The following PKP4 variants were observed in gnomAD, a reference collection of about 807,000 sequenced individuals.
PKP4 encodes the protein plakophilin 4, also known as plakophilin-4.
In PKP4, 90 loss-of-function variants were observed where a neutral mutation model predicts 145.1. The observed-to-expected ratio is 0.62, with a 90% CI of 0.52 to 0.74. The LOEUF is 0.74. Among genes scored for constraint, PKP4 ranks in the 30% least tolerant of loss-of-function variants. PKP4 has a pLI of 0.00. For missense variants in PKP4, 1,340 were observed against 1,482.7 expected, an observed-to-expected ratio of 0.90 and a Z score of 1.58; for synonymous variants, 563 against 577.2, an observed-to-expected ratio of 0.98 and a Z score of 0.35.
intron 11 of PKP4, among the ~76,000 whole-genome samples, chr2:158,646,145 G>A (rs2054804864): frequency 6.6e-6 from 1 of 152,134 alleles, no homozygotes; most frequent in Admixed American, 6.5e-5. Context: ...TATTTGTCTT[G>A]AAAATATCTG....
At position 158,504,807 on chromosome 2, in the gene PKP4, A is replaced by T. The variant is rs573190400; in HGVS notation, c.-5-28373A>T. The stretch of plus-strand genomic sequence containing the variant: ...TTACTGCATTCTAACAAAGTTTATT[A>T]TGAGAGTTCTGAAGATACTGAATAT... On this transcript the variant is annotated intron_variant, in intron 1 of 21. Coordinates refer to ENST00000389759, the MANE Select transcript of PKP4 (RefSeq NM_003628.6). 9.8e-5 allele frequency among the ~76,000 whole-genome samples: 15 copies of T among 152,352 alleles called. No homozygotes were observed. The South Asian group carries it at 2.9e-3, about 29-fold the overall frequency.
chr2:158,472,206 T>G (rs1322167578), intron 1 of PKP4, among the ~76,000 whole-genome samples: 1 of 152,240 alleles, frequency 6.6e-6, no homozygotes, highest in African/African-American at 2.4e-5. Flanking sequence ...CATTTGTTAA[T>G]AAGCTGGATT....
intron 2 of PKP4, among the ~76,000 whole-genome samples, chr2:158,534,361 A>G (rs1382243266): frequency 1.3e-5 from 2 of 152,348 alleles, no homozygotes; most frequent in East Asian, 1.9e-4. Flanking sequence ...AGTTTATTCT[A>G]GTAACAAGAT....
chr2:158,551,940 A>G (rs1032911462), intron 2 of PKP4, among the ~76,000 whole-genome samples: 3 of 152,358 alleles, frequency 2.0e-5, no homozygotes, highest in Non-Finnish European at 4.4e-5. Flanking sequence ...GGGAGGCAGA[A>G]TAATGCTCTC....
chr2:158,618,001 G>T (rs979890572), intron 4 of PKP4, among the ~76,000 whole-genome samples: 2 of 152,104 alleles, frequency 1.3e-5, no homozygotes, highest in African/African-American at 4.8e-5. Context: ...TGGCCAACGT[G>T]GTGAAACCCC....
chr2:158,556,359 G>T (rs1223953012), intron 2 of PKP4, among the ~76,000 whole-genome samples: 1 of 152,166 alleles, frequency 6.6e-6, no homozygotes, highest in Non-Finnish European at 1.5e-5. Flanking sequence ...GCTCCCCAAA[G>T]AATTCCTGGC....
At chr2:158,564,728 C>T (rs1559331199) in intron 2 of PKP4, among the ~76,000 whole-genome samples, 1 of 152,054 alleles carries the variant, frequency 6.6e-6, no homozygotes, top group Admixed American at 6.6e-5. Context: ...TTTTCTTTTT[C>T]CTTACTAATG....
intron 1 of PKP4, among the ~76,000 whole-genome samples, chr2:158,532,518 C>T (rs569097112): frequency 7.8e-4 from 119 of 152,278 alleles, no homozygotes; most frequent in African/African-American, 2.6e-3. Flanking sequence ...CACTAATCAT[C>T]GTTTCCCCCT....
At chr2:158,598,512 A>G (rs1474862566) in intron 3 of PKP4, among the ~76,000 whole-genome samples, 3 of 152,216 alleles carry the variant, frequency 2.0e-5, no homozygotes, top group African/African-American at 7.2e-5. Flanking sequence ...TCACGCCTGT[A>G]ATCCTAGCAC....
At chr2:158,528,467 T>C (rs1181762911) in intron 1 of PKP4, among the ~76,000 whole-genome samples, 1 of 81,460 alleles carries the variant, frequency 1.2e-5, no homozygotes, top group Non-Finnish European at 2.3e-5. Flanking sequence ...AAGGGGAATA[T>C]CACACTCTGG....
At chr2:158,518,950 G>A (rs530177852) in intron 1 of PKP4, among the ~76,000 whole-genome samples, 1 of 152,270 alleles carries the variant, frequency 6.6e-6, no homozygotes, top group Non-Finnish European at 1.5e-5. Context: ...TGGTCCAGAT[G>A]TAGCTTGTTT....
chr2:158,637,277 C>G (rs766324373), intron 9 of PKP4, among the ~76,000 whole-genome samples: 5 of 152,118 alleles, frequency 3.3e-5, no homozygotes, highest in Admixed American at 6.6e-5. Context: ...GGAGTCTTGA[C>G]TAAATTCCCA....
At chr2:158,596,545 A>G (rs1285765794) in intron 3 of PKP4, among the ~76,000 whole-genome samples, 1 of 152,096 alleles carries the variant, frequency 6.6e-6, no homozygotes, top group African/African-American at 2.4e-5. Context: ...ACTTAAGAAT[A>G]ATTTAGAGAA....
At chr2:158,516,107 G>A (rs1313982017) in intron 1 of PKP4, among the ~76,000 whole-genome samples, 1 of 151,048 alleles carries the variant, frequency 6.6e-6, no homozygotes, top group Non-Finnish European at 1.5e-5. Context: ...GTAGGGTTAG[G>A]TGAGATTAAA....
In PKP4 at chr2:158,624,915, C is replaced by A; in HGVS notation, c.641C>A (p.Ser214Ter). The A allele has an allele frequency of 6.2e-7, 1 of 1,610,780 alleles. No homozygotes were observed. The highest frequency in any genetic ancestry group is 8.5e-7 in the Non-Finnish European group (1 of 1,177,942). Residue 214 changes from serine (S) to a stop codon, truncating the protein, a stop_gained, in exon 7 of 22, where the codon TCA becomes TAA. Coordinates refer to ENST00000389759, the MANE Select transcript of PKP4 (RefSeq NM_003628.6). LOFTEE classifies it high-confidence loss of function. ...VANRAMRRVS[S>*]VPSRAQSPSY... ...AATCGGGCCATGAGAAGAGTTAGTT[C>A]AGTTCCATCTAGAGCACAGTCTCCT... is the stretch of plus-strand genomic sequence containing the variant.
intron 1 of PKP4, among the ~76,000 whole-genome samples, chr2:158,521,873 ATCT>A (rs1390406170): frequency 6.6e-6 from 1 of 152,176 alleles, no homozygotes; most frequent in Non-Finnish European, 1.5e-5. Context: ...TATTTTGTTC[ATCT>A]AATGCTTATT....
At chr2:158,519,872 T>C (rs1413511107) in intron 1 of PKP4, among the ~76,000 whole-genome samples, 1 of 152,108 alleles carries the variant, frequency 6.6e-6, no homozygotes, top group East Asian at 1.9e-4. Context: ...ATTACCTCCA[T>C]CCTATCTTTG....
chr2:158,577,661 C>T (rs1202137827), intron 3 of PKP4, among the ~76,000 whole-genome samples: 1 of 152,124 alleles, frequency 6.6e-6, no homozygotes, highest in Admixed American at 6.5e-5. Flanking sequence ...TGGGTGTTGT[C>T]GTGATTAATT....
intron 2 of PKP4, among the ~76,000 whole-genome samples, chr2:158,536,171 T>C (rs779391845): frequency 1.4e-4 from 21 of 152,196 alleles, no homozygotes; most frequent in Admixed American, 6.5e-5. Flanking sequence ...GAAGACAAAC[T>C]TTGAATATTG....
Sources: allele counts gnomAD v4.1 joint callset (sites outside exome capture counted in the v4.1 genomes callset), GRCh38; gene constraint gnomAD v4.1.1; transcripts MANE v1.5; gene names NCBI Gene and HGNC (gene_info 2026-07-23, HGNC 2026-07-21).